The following GABRG2 variants were observed in gnomAD, a reference collection of about 807,000 sequenced individuals.
The protein encoded by GABRG2 is gamma-aminobutyric acid receptor subunit gamma-2.
A neutral mutation model predicts 56.4 loss-of-function variants in GABRG2; 16 were observed. The ratio of observed to expected loss-of-function variants is 0.28; its 90% confidence interval spans 0.19 to 0.43. GABRG2 has a LOEUF of 0.43. Ranked by LOEUF, GABRG2 falls within the 20% of genes least tolerant of loss-of-function variation. The probability of loss-of-function intolerance (pLI) is 1.00; values close to 1 mark genes in which losing one functional copy is unlikely to be tolerated. For synonymous variants in GABRG2, 208 were observed against 205.5 expected, an observed-to-expected ratio of 1.01 and a Z score of -0.10; for missense variants, 327 against 582.7, an observed-to-expected ratio of 0.56 and a Z score of 4.52.
intron 6 of GABRG2, 54 bp from the exon 7 acceptor site, chr5:162,142,110 T>A: frequency 6.4e-7 from 1 of 1,569,412 alleles, no homozygotes; most frequent in South Asian, 1.1e-5. Flanking sequence ...TTAGTTTTAA[T>A]GTTTTCCAGT....
At chr5:162,117,854 A>T (rs1028321074) in intron 6 of GABRG2, among the ~76,000 whole-genome samples, 1 of 152,148 alleles carries the variant, frequency 6.6e-6, no homozygotes, top group Admixed American at 6.6e-5. Flanking sequence ...TGCACAGATA[A>T]GTAGTGTTGG....
chr5:162,108,313 T>C (rs1324265669), intron 6 of GABRG2, among the ~76,000 whole-genome samples: 1 of 152,218 alleles, frequency 6.6e-6, no homozygotes, highest in African/African-American at 2.4e-5. Context: ...AGCTATTGTT[T>C]CTAGTATATA....
At chr5:162,099,311 C>T (rs1343940157) in intron 4 of GABRG2, 2 of 151,908 alleles carry the variant, frequency 1.3e-5, no homozygotes, top group South Asian at 2.1e-4. Context: ...CTGTGTCACC[C>T]GCTGGAGTGC....
intron 6 of GABRG2, among the ~76,000 whole-genome samples, chr5:162,137,902 C>G (rs1364732345): frequency 1.3e-5 from 2 of 151,866 alleles, no homozygotes; most frequent in Non-Finnish European, 2.9e-5. Context: ...CAGGTGCATG[C>G]CACCACGCCT....
chr5:162,077,073 C>CTGTGTGTGTGTGTGTG (rs55938019), intron 1 of GABRG2, among the ~76,000 whole-genome samples: 97 of 146,722 alleles, frequency 6.6e-4, no homozygotes, highest in African/African-American at 2.3e-3. Context: ...ACAACTACCC[C>CTGTGTGTGTGTGTGTG]TGTGTGTGTG....
intron 1 of GABRG2, among the ~76,000 whole-genome samples, chr5:162,088,119 C>G (rs892800262): frequency 6.6e-6 from 1 of 152,068 alleles, no homozygotes; most frequent in Admixed American, 6.6e-5. Context: ...GGAATAAAAT[C>G]CCACAGGCCA....
At chr5:162,116,124 G>A (rs1030397003) in intron 6 of GABRG2, among the ~76,000 whole-genome samples, 30 of 151,332 alleles carry the variant, frequency 2.0e-4, no homozygotes, top group African/African-American at 9.7e-5. Flanking sequence ...GTGTGTGTGT[G>A]TGTGTGTGTG....
At chr5:162,117,878 A>G (rs10073724) in intron 6 of GABRG2, among the ~76,000 whole-genome samples, 1,825 of 152,218 alleles carry the variant, frequency 0.012, 39 homozygotes, top group African/African-American at 0.042. Context: ...TGATATGGTG[A>G]TGATAATGAT....
At chr5:162,083,847 G>GT (rs1290175332) in intron 1 of GABRG2, among the ~76,000 whole-genome samples, 2 of 151,840 alleles carry the variant, frequency 1.3e-5, no homozygotes, top group South Asian at 4.1e-4. Context: ...CAAGTTCAAC[G>GT]TTTTTTGCCA....
intron 8 of GABRG2, 177 bp from the exon 9 acceptor site, chr5:162,151,553 A>T (rs928383309): frequency 3.5e-6 from 2 of 567,328 alleles, no homozygotes; most frequent in African/African-American, 3.8e-5. Flanking sequence ...AACTTTAAGC[A>T]AATACTTTAT....
At chr5:162,143,020 A>G (rs1311239993) in intron 7 of GABRG2, 1 of 152,296 alleles carries the variant, frequency 6.6e-6, no homozygotes, top group Non-Finnish European at 1.5e-5. Flanking sequence ...AACTGTTTTA[A>G]TATTAACAGA....
chr5:162,151,880 A>G lies in GABRG2; in HGVS notation c.1152+127A>G, dbSNP rs1341499829. On this transcript the variant is annotated intron_variant, in intron 9 of 9. Transcript: ENST00000639213. ...CATTCTACTAGAGATAATATGTTGG[A>G]GAAAGTTCTACAGACTTCTAGAGTT... is the stretch of plus-strand genomic sequence containing the variant. The G allele has an allele frequency of 3.7e-5, 31 of 838,618 alleles. No individual in the cohort carries two copies. In the Admixed American group the frequency reaches 6.8e-4, roughly 18 times the overall value. The allele number at this position is 838,618 out of a possible 1,614,324, so 51.9% of individuals were successfully genotyped here.
rs1237079461 is a variant in GABRG2 at position 162,141,531 on chromosome 5, C to T, written c.770-633C>T. Reference sequence around the variant, plus strand: ...AGCTTAAATGGGAACTGTTTGTAGACTCATGCAGATAAAGTCCAGTAGGGG... The same window carrying T: ...AGCTTAAATGGGAACTGTTTGTAGATTCATGCAGATAAAGTCCAGTAGGGG... On this transcript the variant is annotated intron_variant, in intron 6 of 9. Coordinates refer to ENST00000639213, the MANE Select transcript of GABRG2 (RefSeq NM_198904.4). Among the ~76,000 whole-genome samples, 7 of 152,116 alleles carry T rather than the reference C, an allele frequency of 4.6e-5. No individual in the cohort carries two copies. The East Asian group carries it at 1.3e-3, about 29-fold the overall frequency.
At chr5:162,130,596 CA>C (rs1306107421) in intron 6 of GABRG2, among the ~76,000 whole-genome samples, 3 of 151,832 alleles carry the variant, frequency 2.0e-5, no homozygotes, top group African/African-American at 7.3e-5. Flanking sequence ...CTTATTTCTC[CA>C]AAATAGGTTT....
At chr5:162,086,937 A>G (rs1296783495) in intron 1 of GABRG2, among the ~76,000 whole-genome samples, 1 of 151,920 alleles carries the variant, frequency 6.6e-6, no homozygotes, top group African/African-American at 2.4e-5. Context: ...GTGTGAATGC[A>G]TTTTCTTTTG....
intron 1 of GABRG2, among the ~76,000 whole-genome samples, chr5:162,082,767 C>T (rs561997906): frequency 7.3e-5 from 11 of 150,660 alleles, no homozygotes; most frequent in East Asian, 3.9e-4. Flanking sequence ...ATTTATATAA[C>T]GAGAGTAGGA....
chr5:162,100,803 C>A (rs182020962), intron 4 of GABRG2, among the ~76,000 whole-genome samples: 1 of 152,242 alleles, frequency 6.6e-6, no homozygotes, highest in Admixed American at 6.5e-5. Context: ...CAAGTTCTTA[C>A]AAACAGAAGG....
chr5:162,130,915 C>G (rs62381862), intron 6 of GABRG2, among the ~76,000 whole-genome samples: 2,879 of 152,044 alleles, frequency 0.019, 47 homozygotes, highest in Non-Finnish European at 0.03. Flanking sequence ...ATGAGGTCAT[C>G]ATCTAAACAG....
At chr5:162,132,596 ATGAC>A (rs1461634787) in intron 6 of GABRG2, among the ~76,000 whole-genome samples, 1 of 152,044 alleles carries the variant, frequency 6.6e-6, no homozygotes, top group Non-Finnish European at 1.5e-5. Context: ...GTAGAAGTAA[ATGAC>A]TGCAACATTT....
Sources: allele counts gnomAD v4.1 joint callset (sites outside exome capture counted in the v4.1 genomes callset), GRCh38; gene constraint gnomAD v4.1.1; transcripts MANE v1.5; gene names NCBI Gene and HGNC (gene_info 2026-07-23, HGNC 2026-07-21).